Variants in DENND2B observed in about 807,000 individuals in gnomAD.
DENND2B encodes the protein DENN domain-containing protein 2B.
Under a neutral mutation model 116.0 loss-of-function variants are expected in DENND2B, and 32 were observed. That is an observed-to-expected ratio of 0.28 (90% CI 0.21 to 0.37). DENND2B has a LOEUF of 0.37. Ranked by LOEUF, DENND2B falls within the 10% of genes least tolerant of loss-of-function variation. The pLI, the probability that DENND2B is intolerant of heterozygous loss-of-function variation, is 1.00. For synonymous variants in DENND2B, 588 were observed against 583.9 expected (o/e 1.01, Z -0.10); for missense variants, 1,276 against 1,477.7 (o/e 0.86, Z 2.24).
chr11:8,734,575 G>A (rs771306694), intron 2 of DENND2B, among the ~76,000 whole-genome samples: 6 of 152,058 alleles, frequency 3.9e-5, no homozygotes, highest in Non-Finnish European at 7.4e-5. Flanking sequence ...ATGACCTGAG[G>A]TCAGGAGTTC....
chr11:8,877,765 T>TC (rs1049525409), intron 2 of DENND2B, among the ~76,000 whole-genome samples: 3 of 151,926 alleles, frequency 2.0e-5, no homozygotes, highest in South Asian at 2.1e-4. Flanking sequence ...AATCCATAGT[T>TC]CCCCCCCAAA....
In DENND2B at chr11:8,715,671, G is replaced by C; in HGVS notation, c.1777C>G (p.Leu593Val). The change falls in exon 6 of 20, where the codon CTC becomes GTC. Residue 593 changes from leucine to valine, a missense_variant. Transcript: ENST00000313726. ...QLSLPSSPSS[L>V]NEDSLSTTSE... ...GTGGTGCTGAGGCTGTCTTCATTGA[G>C]GCTGGAGGGTGAGGACGGCAGACTC... is the stretch of plus-strand genomic sequence containing the variant. The C allele has an allele frequency of 6.2e-7, 1 of 1,614,226 alleles. No homozygotes were observed. The highest frequency in any genetic ancestry group is 1.6e-4 in the Middle Eastern group (1 of 6,062).
chr11:8,704,613 ACT>A lies in DENND2B; in HGVS notation c.2572-1895_2572-1894del, dbSNP rs145962190. Among the ~76,000 whole-genome samples, 62 of 152,142 alleles carry A rather than the reference ACT, an allele frequency of 4.1e-4. No individual in the cohort carries two copies. In the East Asian group the frequency reaches 0.011, roughly 27 times the overall value. Reference sequence around the variant, plus strand: ...TGCTTTTTTGGTCAGTCCCTCTCCCACTCTCTACAACTAATTTATTTATTCTT... The same window carrying A: ...TGCTTTTTTGGTCAGTCCCTCTCCCACTCTACAACTAATTTATTTATTCTT... On this transcript the variant is annotated intron_variant, in intron 13 of 19. Transcript: ENST00000313726.
chr11:8,716,595 G>A (rs967327526), intron 5 of DENND2B, among the ~76,000 whole-genome samples: 3 of 151,570 alleles, frequency 2.0e-5, no homozygotes, highest in African/African-American at 7.3e-5. Context: ...AATCAATCTG[G>A]CAATGCAAAC....
intron 5 of DENND2B, among the ~76,000 whole-genome samples, 172 bp downstream of exon 5, chr11:8,717,569 C>A (rs2045143137): frequency 6.6e-6 from 1 of 152,172 alleles, no homozygotes; most frequent in Non-Finnish European, 1.5e-5. Context: ...GCTGAGGAGA[C>A]CTCCTTTATC....
rs1036804963 is a variant in DENND2B, at chr11:8,707,886, A to G, written c.2353-32T>C. The G allele has an allele frequency of 1.3e-6, 2 of 1,590,554 alleles. No individual in the cohort carries two copies. Among genetic ancestry groups the G allele is most frequent in the Non-Finnish European group, 1.7e-6 (2 of 1,168,776 alleles). Reference sequence around the variant, plus strand: ...CAGGACAAGGAGGAGGAGGAGAGAGACAGACACAGAGAATGCATGATTACC... The same window carrying G: ...CAGGACAAGGAGGAGGAGGAGAGAGGCAGACACAGAGAATGCATGATTACC... On this transcript the variant is annotated intron_variant, in intron 11 of 19. Transcript: ENST00000313726. This position sits in a 1 kb window ranked among gnomAD's most constrained non-coding sequence, Gnocchi z 4.8.
chr11:8,712,842 G>T lies in DENND2B; in HGVS notation c.1988-107C>A. On this transcript the variant is annotated intron_variant, in intron 8 of 19. Transcript: ENST00000313726. The surrounding 1 kb of genome is among the most constrained non-coding windows in gnomAD (Gnocchi z 4.4). ...CTGTGGAGCACTTTTAAGTACGTGAGCCTAGTCTGATACCATCCCCAGCTC... is the reference window on the plus strand; with the variant it reads ...CTGTGGAGCACTTTTAAGTACGTGATCCTAGTCTGATACCATCCCCAGCTC... 2 of 1,202,472 alleles carry T rather than the reference G, an allele frequency of 1.7e-6. No individual in the cohort carries two copies. Among genetic ancestry groups the T allele is most frequent in the Non-Finnish European group, 2.3e-6 (2 of 876,642 alleles). The allele number at this position is 1,202,472 out of a possible 1,614,324, so 74.5% of individuals were successfully genotyped here.
chr11:8,909,788 A>C (rs2064291839), intron 1 of DENND2B: 1 of 152,192 alleles, frequency 6.6e-6, no homozygotes, highest in Admixed American at 6.5e-5. Context: ...TGTTGAGACT[A>C]GGTGAGGATG....
chr11:8,767,036 C>A (rs1191525969), intron 1 of DENND2B, among the ~76,000 whole-genome samples: 1 of 152,174 alleles, frequency 6.6e-6, no homozygotes, highest in Non-Finnish European at 1.5e-5. Flanking sequence ...TGATCTCAGT[C>A]TGGCCAAGTC....
upstream of DENND2B, among the ~76,000 whole-genome samples, chr11:8,875,549 G>A (rs1169694728): frequency 2.0e-5 from 3 of 151,542 alleles, no homozygotes; most frequent in Non-Finnish European, 4.4e-5. Context: ...GGGACTACAA[G>A]CACATACCAC....
Position 8,730,367 on chromosome 11 carries a change from T to C in DENND2B, c.923A>G (p.Tyr308Cys). 4 of 1,604,082 alleles carry C rather than the reference T, an allele frequency of 2.5e-6. No individual in the cohort carries two copies. Among genetic ancestry groups the C allele is most frequent in the Non-Finnish European group, 3.4e-6 (4 of 1,179,596 alleles). ...RGLPQLPSSC[Y>C]SVDRGKRKTG... ...CTTCCTTTTCCCCCGGTCCACGCTG[T>C]AGCAGCTGCTGGGGAGCTGGGGGAG... The change falls in exon 3 of 20, where the codon TAC becomes TGC. Residue 308 changes from tyrosine to cysteine, a missense_variant. Coordinates refer to ENST00000313726, the MANE Select transcript of DENND2B (RefSeq NM_213618.2). The surrounding 1 kb of genome is among the most constrained non-coding windows in gnomAD (Gnocchi z 4.1).
chr11:8,855,306 T>G (rs2063156736), intron 3 of DENND2B, among the ~76,000 whole-genome samples: 1 of 151,672 alleles, frequency 6.6e-6, no homozygotes, highest in African/African-American at 2.4e-5. Flanking sequence ...ACTATCTCGC[T>G]CAGGCTGGCA....
chr11:8,754,025 G>GCA (rs58878035), intron 1 of DENND2B, among the ~76,000 whole-genome samples: 4 of 8,056 alleles, frequency 5.0e-4, no homozygotes, highest in Non-Finnish European at 4.1e-3. Context: ...AACACCAAAA[G>GCA]CGCGCACACA....
chr11:8,866,952 C>T (rs757523298), intron 2 of DENND2B, among the ~76,000 whole-genome samples: 8 of 152,022 alleles, frequency 5.3e-5, no homozygotes, highest in South Asian at 2.1e-4. Context: ...TGTGGAGAAC[C>T]GAGATCATAT....
upstream of DENND2B, among the ~76,000 whole-genome samples, chr11:8,812,889 G>C (rs2061441738): frequency 6.6e-6 from 1 of 151,908 alleles, no homozygotes; most frequent in African/African-American, 2.4e-5. Context: ...GAGGCTTAAG[G>C]AGGATATTTT....
chr11:8,717,442 G>A (rs906856962), intron 5 of DENND2B, among the ~76,000 whole-genome samples: 2 of 152,222 alleles, frequency 1.3e-5, no homozygotes, highest in African/African-American at 4.8e-5. Flanking sequence ...GCTGAGTTTT[G>A]CAGCTCAGAG....
At chr11:8,772,660 G>T (rs148556502) in intron 1 of DENND2B, among the ~76,000 whole-genome samples, 1 of 152,036 alleles carries the variant, frequency 6.6e-6, no homozygotes, top group Non-Finnish European at 1.5e-5. Context: ...ATTAGATATG[G>T]GATGGTGCAA....
At chr11:8,780,977 G>A (rs771033976) in intron 1 of DENND2B, among the ~76,000 whole-genome samples, 14 of 152,144 alleles carry the variant, frequency 9.2e-5, no homozygotes, top group Non-Finnish European at 1.9e-4. Context: ...TCTTGGGAGG[G>A]GACAGCGAAG....
chr11:8,737,673 T>TTCTC (rs34569908), intron 2 of DENND2B, among the ~76,000 whole-genome samples: 59,689 of 151,262 alleles, frequency 0.39, 12,759 homozygotes, highest in Non-Finnish European at 0.47. Context: ...TTTTCTTTCT[T>TTCTC]TCTCTTTCTC....
Sources: gnomAD v4.1 joint callset for allele counts (sites outside exome capture counted in the v4.1 genomes callset) on GRCh38, gnomAD v4.1.1 for gene constraint, Gnocchi (gnomAD v3.1) non-coding constraint, MANE v1.5 for transcripts, NCBI Gene and HGNC (gene_info 2026-07-23, HGNC 2026-07-21) for gene names.